Variants in ZDHHC6 observed in about 807,000 individuals in gnomAD.
The protein encoded by ZDHHC6 is palmitoyltransferase ZDHHC6.
Under a neutral mutation model 57.8 loss-of-function variants are expected in ZDHHC6, and 32 were observed. The ratio of observed to expected loss-of-function variants is 0.55; its 90% CI spans 0.42 to 0.74. The LOEUF (loss-of-function observed/expected upper bound fraction) is 0.74. ZDHHC6 is among the 30% of genes least tolerant of loss of function. ZDHHC6 has a pLI of 0.00. For synonymous variants in ZDHHC6, 128 were observed against 158.0 expected (o/e 0.81, Z 1.42); for missense variants, 433 against 500.7 (o/e 0.86, Z 1.29).
At chr10:112,442,430 G>A in intron 3 of ZDHHC6, 79 bp from the exon 4 acceptor site, 1 of 1,388,976 alleles carries the variant, frequency 7.2e-7, no homozygotes, top group Non-Finnish European at 9.7e-7. Context: ...AAAAGATCAA[G>A]CAAATAGGAA....
At position 112,443,612 on chromosome 10, in the gene ZDHHC6, C is replaced by T. The variant is rs140207793; in HGVS notation, c.268-6G>A. 2.3e-4 allele frequency: 377 copies of T among 1,608,756 alleles called. No individual in the cohort carries two copies. The African/African-American group carries it at 4.1e-3, about 18-fold the overall frequency. On this transcript the variant is annotated splice_region_variant and splice_polypyrimidine_tract_variant and intron_variant, in intron 2 of 10. Transcript: ENST00000369405. Reference sequence around the variant, plus strand: ...ATGGTATCCTGAGAAATTTCCTTGGCAGCAAAACAGAAACAAAAATGCATC... The same window carrying T: ...ATGGTATCCTGAGAAATTTCCTTGGTAGCAAAACAGAAACAAAAATGCATC...
intron 4 of ZDHHC6, among the ~76,000 whole-genome samples, chr10:112,441,022 T>A (rs1846068453): frequency 6.6e-6 from 1 of 152,070 alleles, no homozygotes; most frequent in African/African-American, 2.4e-5. Flanking sequence ...ATTTTTTATA[T>A]TTTTAGTAGA....
downstream of ZDHHC6, among the ~76,000 whole-genome samples, chr10:112,429,438 T>A (rs1261812392): frequency 6.6e-6 from 1 of 152,214 alleles, no homozygotes; most frequent in Non-Finnish European, 1.5e-5. Flanking sequence ...CCTACCTTCT[T>A]GCTTCACAAT....
chr10:112,437,831 T>G (rs1845689015), intron 6 of ZDHHC6, among the ~76,000 whole-genome samples: 1 of 152,166 alleles, frequency 6.6e-6, no homozygotes, highest in Admixed American at 6.5e-5. Context: ...ACAGGAATGG[T>G]GAGGCTCTGA....
rs1027652729 is a variant in ZDHHC6 at position 112,445,176 on chromosome 10, C to T, written c.261G>A (p.Trp87Ter). 1 of 1,610,512 alleles carries T rather than the reference C, an allele frequency of 6.2e-7. No individual in the cohort carries two copies. Among genetic ancestry groups the T allele is most frequent in the African/African-American group, 1.3e-5 (1 of 74,806 alleles). Residue 87 changes from tryptophan to a stop codon, truncating the protein, a stop_gained, in exon 2 of 11, where the codon TGG (tryptophan) becomes TGA (stop). Transcript: ENST00000369405. LOFTEE classifies it high-confidence loss of function. ...FVGPGFVPLG[W>*]KPEISQDTMY... ...CTTACAGAATCTTTCTTACCGGTTT[C>T]CACCCCAGAGGGACAAAGCCCGGAC...
chr10:112,426,460 A>G (rs1453560157), downstream of ZDHHC6: 15 of 944,032 alleles, frequency 1.6e-5, no homozygotes, highest in Non-Finnish European at 2.5e-5. Flanking sequence ...GCTGCAGCCC[A>G]AACAGACTGA....
upstream of ZDHHC6, chr10:112,447,349 C>G: frequency 6.2e-7 from 1 of 1,609,748 alleles, no homozygotes; most frequent in Non-Finnish European, 8.5e-7. Context: ...AGGCTTTGGC[C>G]TGGGCTACTC....
At chr10:112,425,157 T>A (rs1844619190) in exon 12 of ZDHHC6, 1 of 507,742 alleles carries the variant, frequency 2.0e-6, no homozygotes, top group Non-Finnish European at 3.4e-6. Context: ...AAAGACAGGT[T>A]CTTGCTGCAC....
In ZDHHC6 at chr10:112,445,188, G is replaced by C; in HGVS notation, c.249C>G (p.Val83=). ...FNAMFVGPGF[V]PLGWKPEISQ... is the part of the protein sequence containing the mutation. ...TTCTTACCGGTTTCCACCCCAGAGG[G>C]ACAAAGCCCGGACCGACAAACATGG... The change falls in exon 2 of 11, where the codon GTC becomes GTG. Residue 83 remains valine (V), a synonymous_variant. Coordinates refer to ENST00000369405, the MANE Select transcript of ZDHHC6 (RefSeq NM_022494.3). 1 of 1,613,262 alleles carries C rather than the reference G, an allele frequency of 6.2e-7. No homozygotes were observed. The highest frequency in any genetic ancestry group is 1.1e-5 in the South Asian group (1 of 91,052).
chr10:112,426,478 T>C (rs1030395622), downstream of ZDHHC6: 45 of 797,000 alleles, frequency 5.6e-5, no homozygotes, highest in Non-Finnish European at 7.9e-5. Flanking sequence ...TGAATAGTTT[T>C]ATGGGACTCG....
upstream of ZDHHC6, chr10:112,447,364 C>G (rs763414180): frequency 6.2e-7 from 1 of 1,612,234 alleles, no homozygotes; most frequent in African/African-American, 1.3e-5. Flanking sequence ...CTACTCGTTC[C>G]GGAGCCGCCA....
chr10:112,426,825 T>C, downstream of ZDHHC6: 3 of 1,613,960 alleles, frequency 1.9e-6, no homozygotes, highest in Non-Finnish European at 1.7e-6. Context: ...TTGCAGAAAA[T>C]TGGGAAAGAA....
downstream of ZDHHC6, chr10:112,425,404 G>A (rs748501946): frequency 3.3e-5 from 54 of 1,613,266 alleles, no homozygotes; most frequent in Non-Finnish European, 3.9e-5. Flanking sequence ...AGAATACATT[G>A]CACCAGAGAA....
intron 7 of ZDHHC6, 46 bp downstream of exon 7, chr10:112,434,251 A>G: frequency 1.3e-6 from 2 of 1,492,230 alleles, no homozygotes; most frequent in East Asian, 2.4e-5. Context: ...GTTAAGGGAA[A>G]GAAGGCGAGG....
chr10:112,440,613 G>C lies in ZDHHC6; in HGVS notation c.602C>G (p.Ala201Gly), dbSNP rs759615160. The C allele has an allele frequency of 8.7e-6, 14 of 1,614,066 alleles. No homozygotes were observed. In the East Asian group the frequency reaches 3.1e-4, roughly 36 times the overall value. ...DPLPIVPFGL[A>G]AFATTLFALG... ...GGCAAACAAGGTGGTAGCAAATGCA[G>C]CTAATCCAAATGGAACAATTGGAAG... Residue 201 changes from alanine to glycine, a missense_variant, in exon 5 of 11, where the codon GCT becomes GGT. Transcript: ENST00000369405.
Position 112,432,469 on chromosome 10 carries a change from T to G in ZDHHC6, c.998A>C (p.Lys333Thr), listed in dbSNP as rs1414716609. ...DYSGACCPLN[K>T]GIKTFFTSPC... is the part of the protein sequence containing the mutation. ...ACTTGTGAAGAAGGTTTTGATTCCT[T>G]TATTCAGAGGGCAGCAGGCACCACT... is the stretch of plus-strand genomic sequence containing the variant. The change falls in exon 9 of 11, where the codon AAA becomes ACA. Residue 333 changes from lysine (K) to threonine (T), a missense_variant. Coordinates refer to ENST00000369405, the MANE Select transcript of ZDHHC6 (RefSeq NM_022494.3). 1 of 1,614,172 alleles carries G rather than the reference T, an allele frequency of 6.2e-7. No individual in the cohort carries two copies. The highest frequency in any genetic ancestry group is 2.2e-5 in the East Asian group (1 of 44,886).
rs1209781662 is a variant in ZDHHC6 at position 112,442,279 on chromosome 10, G to C, written c.432C>G (p.Phe144Leu). Residue 144 changes from phenylalanine to leucine, a missense_variant, in exon 4 of 11, where the codon TTC becomes TTG. By Grantham distance (22) the Phe-to-Leu change is conservative. Transcript: ENST00000369405. ...GTGGTGCTAAAAGGAGAAACAGTGTGAACGAAGCATGATTTTGGTAACCAC... is the reference window on the plus strand; with the variant it reads ...GTGGTGCTAAAAGGAGAAACAGTGTCAACGAAGCATGATTTTGGTAACCAC... ...NCCGYQNHASFTLFLLLAPLG... is the reference protein window; with the variant it reads ...NCCGYQNHASLTLFLLLAPLG... 1.1e-5 allele frequency: 18 copies of C among 1,614,044 alleles called. No individual in the cohort carries two copies. Among genetic ancestry groups the C allele is most frequent in the Non-Finnish European group, 1.4e-5 (17 of 1,179,948 alleles).
At chr10:112,440,957 T>C (rs1301175561) in intron 4 of ZDHHC6, among the ~76,000 whole-genome samples, 1 of 152,218 alleles carries the variant, frequency 6.6e-6, no homozygotes, top group Non-Finnish European at 1.5e-5. Flanking sequence ...GCAATTCTCC[T>C]GCCTCAGCCT....
At position 112,430,908 on chromosome 10, in the gene ZDHHC6, C is replaced by T. The variant is rs1185510541; in HGVS notation, c.1139-1G>A. ...AACCAACCCCTTATTCTTGAAACAC[C>T]TGAGGGAGAAAATGAAATTGAGGTG... On this transcript the variant is annotated splice_acceptor_variant, in intron 10 of 10. Transcript: ENST00000369405. LOFTEE classifies it high-confidence loss of function. 1 of 1,612,070 alleles carries T rather than the reference C, an allele frequency of 6.2e-7. No homozygotes were observed. Among genetic ancestry groups the T allele is most frequent in the East Asian group, 2.2e-5 (1 of 44,844 alleles).
Sources: allele counts gnomAD v4.1 joint callset (sites outside exome capture counted in the v4.1 genomes callset), GRCh38; gene constraint gnomAD v4.1.1; transcripts MANE v1.5; gene names NCBI Gene and HGNC (gene_info 2026-07-23, HGNC 2026-07-21).